Variants in KCNK10 observed in about 807,000 individuals in gnomAD.
KCNK10 encodes the protein potassium two pore domain channel subfamily K member 10, also known as potassium channel subfamily K member 10.
A neutral mutation model predicts 47.7 loss-of-function variants in KCNK10; 25 were observed. The observed-to-expected ratio is 0.52, with a 90% CI of 0.38 to 0.73. The LOEUF (loss-of-function observed/expected upper bound fraction) is 0.73. Ranked by LOEUF, KCNK10 falls within the 30% of genes least tolerant of loss-of-function variation. KCNK10 has a pLI of 0.00. For missense variants in KCNK10, 563 were observed against 714.5 expected, an observed-to-expected ratio of 0.79 and a Z score of 2.42; for synonymous variants, 303 against 285.6, an observed-to-expected ratio of 1.06 and a Z score of -0.61.
At chr14:88,326,501 C>G (rs753708012), upstream of KCNK10, 2 of 1,484,886 alleles carry the variant, frequency 1.3e-6, no homozygotes, top group South Asian at 2.3e-5. Flanking sequence ...CTCTGTGCCG[C>G]CGCAACTTCC....
At chr14:88,303,707 G>A (rs1482919995) in intron 1 of KCNK10, among the ~76,000 whole-genome samples, 1 of 152,180 alleles carries the variant, frequency 6.6e-6, no homozygotes, top group Non-Finnish European at 1.5e-5. Context: ...AGGAATCAAG[G>A]TGGGACTGGT....
At position 88,322,652 on chromosome 14, in the gene KCNK10, A is replaced by T; in HGVS notation, c.52+95T>A. 6.5e-7 allele frequency: 1 copy of T among 1,542,288 alleles called. No individual in the cohort carries two copies. The highest frequency in any genetic ancestry group is 9.0e-7 in the Non-Finnish European group (1 of 1,116,550). ...GGCGCATTTCCCAGCCTCAGGACAC[A>T]CGCTGCCAGAAGCAAGAGTGCTTCC... is the stretch of plus-strand genomic sequence containing the variant. On this transcript the variant is annotated intron_variant, in intron 1 of 6. Coordinates refer to ENST00000319231, the MANE Select transcript of KCNK10 (RefSeq NM_138317.3). This position sits in a 1 kb window ranked among gnomAD's most constrained non-coding sequence, Gnocchi z 4.8.
chr14:88,304,503 T>C (rs1403007914), intron 1 of KCNK10, among the ~76,000 whole-genome samples: 5 of 152,236 alleles, frequency 3.3e-5, no homozygotes. Flanking sequence ...TTCGCAGTCA[T>C]GCACACAGCA....
Position 88,322,722 on chromosome 14 carries a change from G to A in KCNK10, c.52+25C>T. 3.7e-6 allele frequency: 6 copies of A among 1,614,024 alleles called. No homozygotes were observed. The highest frequency in any genetic ancestry group is 5.1e-6 in the Non-Finnish European group (6 of 1,179,930). On this transcript the variant is annotated intron_variant, in intron 1 of 6. Transcript: ENST00000319231. This position sits in a 1 kb window ranked among gnomAD's most constrained non-coding sequence, Gnocchi z 4.8. The stretch of plus-strand genomic sequence containing the variant: ...CGCCGGAGACAGAGGCAGGGCGAGG[G>A]CAGCCAAAAGTAGGAAACACCCACC...
At chr14:88,226,452 C>T (rs1885990682) in intron 4 of KCNK10, among the ~76,000 whole-genome samples, 1 of 152,130 alleles carries the variant, frequency 6.6e-6, no homozygotes, top group Non-Finnish European at 1.5e-5. Context: ...GGCCACCATT[C>T]CTAGATCCTG....
Position 88,234,089 on chromosome 14 carries a change from C to T in KCNK10, c.521-6554G>A, listed in dbSNP as rs114965875. 7.4e-3 allele frequency among the ~76,000 whole-genome samples: 1,134 copies of T among 152,270 alleles called. 12 individuals carry two copies. The highest frequency in any genetic ancestry group is 0.026 in the African/African-American group (1,087 of 41,562). ...AAACCTGACATTGGTCTTCTTGGAT[C>T]CACTACAGCAACGCCCTCTGGTGTT... On this transcript the variant is annotated intron_variant, in intron 3 of 6. Transcript: ENST00000319231.
Position 88,182,050 on chromosome 14 carries a change from AC to A in KCNK10, c.*3484del. ...CACCCCAACCCGCACACACACACAC[AC>A]ACACACACACACACACACACACACA... On this transcript the variant is annotated 3_prime_UTR_variant, in exon 7 of 7. Transcript: ENST00000319231. 6.9e-6 allele frequency: 1 copy of A among 144,974 alleles called. No individual in the cohort carries two copies. Among genetic ancestry groups the A allele is most frequent in the East Asian group, 2.0e-4 (1 of 5,056 alleles). 9.0% of individuals were successfully genotyped at this position (144,974 alleles called of 1,614,324 possible).
intron 1 of KCNK10, among the ~76,000 whole-genome samples, chr14:88,268,213 T>C (rs1887318386): frequency 6.6e-6 from 1 of 152,186 alleles, no homozygotes; most frequent in Non-Finnish European, 1.5e-5. Context: ...TGAAGTTAGC[T>C]GTCTGAGGAG....
At chr14:88,253,916 C>T (rs946168198) in intron 2 of KCNK10, among the ~76,000 whole-genome samples, 1 of 152,016 alleles carries the variant, frequency 6.6e-6, no homozygotes, top group Admixed American at 6.6e-5. Context: ...AGAGGGGAAG[C>T]CCATAGACGT....
At chr14:88,325,947 G>A (rs1888651922), upstream of KCNK10, among the ~76,000 whole-genome samples, 1 of 149,720 alleles carries the variant, frequency 6.7e-6, no homozygotes, top group Admixed American at 6.6e-5. Context: ...TAAGGGGAGG[G>A]TTGGGGATGG....
intron 1 of KCNK10, among the ~76,000 whole-genome samples, chr14:88,321,747 G>T (rs757488137): frequency 1.3e-5 from 2 of 152,204 alleles, no homozygotes; most frequent in Non-Finnish European, 2.9e-5. Flanking sequence ...AGAAAAAGAA[G>T]AAATGCGCTC....
At position 88,292,316 on chromosome 14, in the gene KCNK10, A is replaced by G. The variant is rs1260792179; in HGVS notation, c.53-28765T>C. Among the ~76,000 whole-genome samples, 3 of 152,154 alleles carry G rather than the reference A, an allele frequency of 2.0e-5. No homozygotes were observed. In the East Asian group the frequency reaches 5.8e-4, roughly 29 times the overall value. On this transcript the variant is annotated intron_variant, in intron 1 of 6. Coordinates refer to ENST00000319231, the MANE Select transcript of KCNK10 (RefSeq NM_138317.3). ...GTGTCTCAGGCCAGGCCTGGCCTACAGGGAAAGGAGAGCTTTGTGATTTTG... is the reference window on the plus strand; with the variant it reads ...GTGTCTCAGGCCAGGCCTGGCCTACGGGGAAAGGAGAGCTTTGTGATTTTG...
At chr14:88,266,403 G>A (rs1887257463) in intron 1 of KCNK10, among the ~76,000 whole-genome samples, 1 of 152,130 alleles carries the variant, frequency 6.6e-6, no homozygotes, top group South Asian at 2.1e-4. Flanking sequence ...ATCCTCTTTA[G>A]TCTCAGCCAA....
chr14:88,315,047 G>A (rs1032729237), intron 1 of KCNK10, among the ~76,000 whole-genome samples: 12 of 152,236 alleles, frequency 7.9e-5, no homozygotes, highest in African/African-American at 1.2e-4. Context: ...GAGTGGCAGC[G>A]CCAGCCCTAG....
chr14:88,277,930 C>G (rs528079294), intron 1 of KCNK10, among the ~76,000 whole-genome samples: 1 of 152,322 alleles, frequency 6.6e-6, no homozygotes, highest in Non-Finnish European at 1.5e-5. Flanking sequence ...TGGACCTTTT[C>G]CTCTCTAAAT....
intron 4 of KCNK10, among the ~76,000 whole-genome samples, chr14:88,215,675 A>G (rs995964166): frequency 1.3e-5 from 2 of 152,066 alleles, no homozygotes; most frequent in Admixed American, 1.3e-4. Context: ...TTCATGAATA[A>G]CTTCCCACCC....
chr14:88,304,678 C>A (rs1247533086), intron 1 of KCNK10, among the ~76,000 whole-genome samples: 1 of 152,188 alleles, frequency 6.6e-6, no homozygotes, highest in Non-Finnish European at 1.5e-5. Context: ...AGTGTTTGCA[C>A]TGTTTAAAAT....
At chr14:88,296,354 T>C (rs1224001258) in intron 1 of KCNK10, among the ~76,000 whole-genome samples, 1 of 152,210 alleles carries the variant, frequency 6.6e-6, no homozygotes, top group Non-Finnish European at 1.5e-5. Context: ...AAGGATAATA[T>C]TGATGATCAA....
chr14:88,251,845 C>A (rs1278919402), intron 2 of KCNK10, among the ~76,000 whole-genome samples: 1 of 152,204 alleles, frequency 6.6e-6, no homozygotes, highest in Non-Finnish European at 1.5e-5. Context: ...CTCTCAAGTC[C>A]TCAGCCATGG....
Sources: gnomAD v4.1 joint callset for allele counts (sites outside exome capture counted in the v4.1 genomes callset) on GRCh38, gnomAD v4.1.1 for gene constraint, Gnocchi (gnomAD v3.1) non-coding constraint, MANE v1.5 for transcripts, NCBI Gene and HGNC (gene_info 2026-07-23, HGNC 2026-07-21) for gene names.